The following MRTFA variants were observed in gnomAD, a reference collection of about 807,000 sequenced individuals.
MRTFA encodes the protein myocardin related transcription factor A.
MRTFA carries 20 observed loss-of-function variants against 83.5 expected under a neutral mutation model. The ratio of observed to expected loss-of-function variants is 0.24; its 90% CI spans 0.17 to 0.35. MRTFA has a LOEUF of 0.35. MRTFA is among the 10% of genes least tolerant of loss of function. The pLI, the probability that MRTFA is intolerant of heterozygous loss-of-function variation, is 1.00. For synonymous variants in MRTFA, 659 were observed against 541.2 expected, an observed-to-expected ratio of 1.22 and a Z score of -3.02; for missense variants, 1,200 against 1,224.7, an observed-to-expected ratio of 0.98 and a Z score of 0.30.
intron 4 of MRTFA, among the ~76,000 whole-genome samples, chr22:40,451,961 GTTTTTTTTTTTTGGTTTTTTTTTTT>G (rs2053496661): frequency 8.9e-6 from 1 of 112,662 alleles, no homozygotes; most frequent in Admixed American, 1.1e-4. Flanking sequence ...CCTGGCTGAA[GTTTTTTTTTTTTGGTTTTTTTTTTT>G]TTTTTTTTTT....
At chr22:40,558,793 T>C (rs2055570509) in intron 2 of MRTFA, among the ~76,000 whole-genome samples, 1 of 136,098 alleles carries the variant, frequency 7.3e-6, no homozygotes, top group Admixed American at 7.3e-5. Flanking sequence ...GGGGGGTTTT[T>C]TGGGTTTTTT....
At chr22:40,596,535 C>T (rs1359612024) in intron 1 of MRTFA, among the ~76,000 whole-genome samples, 1 of 152,150 alleles carries the variant, frequency 6.6e-6, no homozygotes, top group Non-Finnish European at 1.5e-5. Flanking sequence ...GGCGCAGTGA[C>T]TCACGCCTGT....
rs2054306081 is a variant in MRTFA, at chr22:40,493,681, G to A, written c.242-30395C>T. 1.3e-5 allele frequency among the ~76,000 whole-genome samples: 2 copies of A among 152,194 alleles called. 1 individual carries two copies. The highest frequency in any genetic ancestry group is 2.9e-5 in the Non-Finnish European group (2 of 68,034). On this transcript the variant is annotated intron_variant, in intron 3 of 14. Coordinates refer to ENST00000355630, the MANE Select transcript of MRTFA (RefSeq NM_020831.6). ...CAGCAATAAATGATTTGTCATCAAG[G>A]ATGAGGAGCAACTGGAACTCCCAGA...
intron 1 of MRTFA, among the ~76,000 whole-genome samples, chr22:40,626,866 AACACACAC>A (rs141945541): frequency 1.0e-4 from 15 of 145,224 alleles, no homozygotes; most frequent in African/African-American, 2.6e-4. Flanking sequence ...CCCTGTCTCA[AACACACAC>A]ACACACACAC....
intron 1 of MRTFA, among the ~76,000 whole-genome samples, chr22:40,634,146 AGTGT>A (rs999915659): frequency 1.3e-5 from 2 of 151,544 alleles, no homozygotes; most frequent in African/African-American, 2.4e-5. Context: ...GATGGAGGGC[AGTGT>A]GAACATAGCT....
At chr22:40,464,442 G>A (rs1375862875) in intron 3 of MRTFA, among the ~76,000 whole-genome samples, 2 of 150,610 alleles carry the variant, frequency 1.3e-5, no homozygotes, top group African/African-American at 4.9e-5. Flanking sequence ...AGAAACTGCA[G>A]AGGTTGCAGT....
chr22:40,417,021 A>G lies in MRTFA; in HGVS notation c.2543T>C (p.Met848Thr), dbSNP rs1431125851. ...AATGAGAATGTCAAACAGGTCGTCCATCTGCTGGCTTGAGGAACCATTTTC... is the reference window on the plus strand; with the variant it reads ...AATGAGAATGTCAAACAGGTCGTCCGTCTGCTGGCTTGAGGAACCATTTTC... Residue 848 changes from methionine (M) to threonine (T), a missense_variant, in exon 14 of 15, where the codon ATG (methionine) becomes ACG (threonine). Around this residue, in one of 2 missense-constraint regions of MRTFA, gnomAD observed 1,107 missense variants for 1,041.8 expected, o/e 1.06. Transcript: ENST00000355630. The G allele has an allele frequency of 6.3e-7, 1 of 1,598,008 alleles. No homozygotes were observed. Among genetic ancestry groups the G allele is most frequent in the South Asian group, 1.1e-5 (1 of 87,880 alleles).
intron 2 of MRTFA, among the ~76,000 whole-genome samples, chr22:40,566,574 T>C (rs2055707197): frequency 6.6e-6 from 1 of 152,086 alleles, no homozygotes; most frequent in Non-Finnish European, 1.5e-5. Context: ...CTCATGCCTG[T>C]AATCCAAGCA....
intron 3 of MRTFA, among the ~76,000 whole-genome samples, chr22:40,543,516 C>T (rs1391567777): frequency 6.6e-6 from 1 of 152,184 alleles, no homozygotes; most frequent in African/African-American, 2.4e-5. Context: ...CTATCCAGCA[C>T]CTCAGATTAC....
chr22:40,587,263 G>A (rs949040649), intron 2 of MRTFA: 8 of 489,706 alleles, frequency 1.6e-5, no homozygotes, highest in Non-Finnish European at 3.3e-5. Flanking sequence ...CAGTCCAAAT[G>A]CAGAAATGTC....
At chr22:40,470,231 TTATATATATATA>T (rs71328709) in intron 3 of MRTFA, among the ~76,000 whole-genome samples, 621 of 45,616 alleles carry the variant, frequency 0.014, 9 homozygotes, top group African/African-American at 0.03. Flanking sequence ...CTCCAAAATT[TTATATATATATA>T]TATATATATA....
intron 2 of MRTFA, among the ~76,000 whole-genome samples, chr22:40,558,382 C>T (rs1416687475): frequency 6.7e-6 from 1 of 148,678 alleles, no homozygotes; most frequent in Non-Finnish European, 1.5e-5. Context: ...GCTAGGATTA[C>T]AGGAATGAGC....
In MRTFA at chr22:40,418,762, T is replaced by C. The variant is rs1022896465; in HGVS notation, c.1976A>G (p.Lys659Arg). 1.9e-5 allele frequency: 30 copies of C among 1,546,846 alleles called. No homozygotes were observed. Among genetic ancestry groups the C allele is most frequent in the Non-Finnish European group, 2.6e-5 (30 of 1,153,144 alleles). ...GGCGGGGGCGGGCTGCTGGGCTCGC[T>C]TCTCCTGCTCCAGCTGCAGCTTGAG... Residue 659 changes from lysine to arginine, a missense_variant, in exon 12 of 15, where the codon AAG (lysine) becomes AGG (arginine). Physicochemically the swap from Lys to Arg is conservative, Grantham distance 26. Transcript: ENST00000355630.
intron 3 of MRTFA, among the ~76,000 whole-genome samples, chr22:40,508,513 C>CA (rs1175724448): frequency 0.32 from 8,239 of 25,888 alleles, 1,989 homozygotes; most frequent in East Asian, 0.41. Context: ...CTCCGTCTCT[C>CA]AAAAAAAAAA....
At chr22:40,461,351 T>C (rs920586600) in intron 4 of MRTFA, among the ~76,000 whole-genome samples, 15 of 151,922 alleles carry the variant, frequency 9.9e-5, no homozygotes, top group African/African-American at 3.4e-4. Flanking sequence ...TGGCTTCCCA[T>C]TGCACTTAAA....
At chr22:40,557,659 A>G (rs2055545454) in intron 2 of MRTFA, among the ~76,000 whole-genome samples, 1 of 152,168 alleles carries the variant, frequency 6.6e-6, no homozygotes, top group South Asian at 2.1e-4. Flanking sequence ...AAGGAAAAAA[A>G]GTGGTTAAAA....
chr22:40,431,757 A>G (rs1225590486), intron 5 of MRTFA, among the ~76,000 whole-genome samples: 2 of 152,142 alleles, frequency 1.3e-5, no homozygotes, highest in African/African-American at 4.8e-5. Flanking sequence ...TATTACTTCT[A>G]CTACCATAAA....
At chr22:40,539,884 T>C (rs934056151) in intron 3 of MRTFA, among the ~76,000 whole-genome samples, 5 of 151,518 alleles carry the variant, frequency 3.3e-5, no homozygotes, top group Non-Finnish European at 7.4e-5. Flanking sequence ...AAACAATCGG[T>C]GTTCAAATTT....
intron 3 of MRTFA, among the ~76,000 whole-genome samples, chr22:40,474,572 GTTC>G (rs2053962637): frequency 6.6e-6 from 1 of 152,096 alleles, no homozygotes; most frequent in Non-Finnish European, 1.5e-5. Flanking sequence ...GCCTTATTCA[GTTC>G]TTCCTTAGCT....
Sources: gnomAD v4.1 joint callset for allele counts (sites outside exome capture counted in the v4.1 genomes callset) on GRCh38, gnomAD v4.1.1 for gene constraint, gnomAD v4.1.1 regional missense constraint, MANE v1.5 for transcripts, NCBI Gene and HGNC (gene_info 2026-07-23, HGNC 2026-07-21) for gene names.